The following RABGAP1L variants were observed in gnomAD, a reference collection of about 807,000 sequenced individuals.
RABGAP1L encodes rab GTPase-activating protein 1-like.
In RABGAP1L, 63 loss-of-function variants were observed where a neutral mutation model predicts 137.7. The observed-to-expected ratio is 0.46, with a 90% CI of 0.37 to 0.56. The LOEUF (loss-of-function observed/expected upper bound fraction) is 0.56. RABGAP1L is among the 20% of genes least tolerant of loss of function. The pLI is 0.00. For missense variants in RABGAP1L, 1,095 were observed against 1,244.0 expected (o/e 0.88, Z 1.80); for synonymous variants, 431 against 433.7 (o/e 0.99, Z 0.08).
intron 13 of RABGAP1L, among the ~76,000 whole-genome samples, chr1:174,426,812 T>G (rs890357970): frequency 6.6e-6 from 1 of 152,126 alleles, no homozygotes; most frequent in Non-Finnish European, 1.5e-5. Context: ...ATATTTATTC[T>G]AAAAAAGCTT....
At chr1:174,789,153 AC>A (rs1258536984) in intron 18 of RABGAP1L, among the ~76,000 whole-genome samples, 1 of 152,170 alleles carries the variant, frequency 6.6e-6, no homozygotes, top group African/African-American at 2.4e-5. Flanking sequence ...TTCTCCTCTT[AC>A]CAAAAACCAC....
At chr1:174,519,207 TAC>T (rs1663143844) in intron 13 of RABGAP1L, among the ~76,000 whole-genome samples, 3 of 146,312 alleles carry the variant, frequency 2.1e-5, no homozygotes, top group South Asian at 2.2e-4. Context: ...TACACACACA[TAC>T]ATATATATAT....
intron 12 of RABGAP1L, among the ~76,000 whole-genome samples, chr1:174,384,732 A>C (rs1686597570): frequency 6.6e-6 from 1 of 152,144 alleles, no homozygotes; most frequent in African/African-American, 2.4e-5. Flanking sequence ...ACCTCCTTAA[A>C]GTCACTGTTG....
intron 1 of RABGAP1L, among the ~76,000 whole-genome samples, chr1:174,178,705 C>T (rs1383316872): frequency 6.6e-6 from 1 of 152,120 alleles, no homozygotes; most frequent in African/African-American, 2.4e-5. Flanking sequence ...AGCTGGAAGC[C>T]ATCATTCTCA....
intron 19 of RABGAP1L, chr1:174,877,340 C>A: frequency 7.5e-5 from 53 of 711,280 alleles, no homozygotes; most frequent in East Asian, 1.5e-4. Context: ...CTTTTTTTTT[C>A]TTTCTCTTTC....
intron 13 of RABGAP1L, among the ~76,000 whole-genome samples, chr1:174,442,514 A>G (rs1030909574): frequency 4.6e-5 from 7 of 152,134 alleles, no homozygotes; most frequent in Non-Finnish European, 8.8e-5. Flanking sequence ...GAAGTTCAAC[A>G]TGGAGGAAAG....
At chr1:174,768,560 G>A (rs1399678356) in intron 18 of RABGAP1L, among the ~76,000 whole-genome samples, 1 of 152,142 alleles carries the variant, frequency 6.6e-6, no homozygotes, top group East Asian at 1.9e-4. Context: ...CTGTACATGC[G>A]GCCCCACCCC....
At chr1:174,866,980 G>A (rs1184248599) in intron 19 of RABGAP1L, among the ~76,000 whole-genome samples, 2 of 151,668 alleles carry the variant, frequency 1.3e-5, no homozygotes, top group African/African-American at 2.4e-5. Context: ...CCCAATTACT[G>A]TGGAAACTGA....
intron 19 of RABGAP1L, among the ~76,000 whole-genome samples, chr1:174,840,370 A>C (rs1021301653): frequency 2.0e-5 from 3 of 152,232 alleles, no homozygotes; most frequent in African/African-American, 7.2e-5. Context: ...ATGAAGAATG[A>C]TAAATGCAGT....
chr1:174,224,934 T>C (rs1453873755), intron 3 of RABGAP1L, among the ~76,000 whole-genome samples: 4 of 152,138 alleles, frequency 2.6e-5, no homozygotes, highest in African/African-American at 9.6e-5. Flanking sequence ...TCTTTGAGTT[T>C]ATCTTTTTTT....
intron 12 of RABGAP1L, among the ~76,000 whole-genome samples, chr1:174,384,477 A>G (rs755701365): frequency 6.6e-6 from 1 of 151,948 alleles, no homozygotes; most frequent in Non-Finnish European, 1.5e-5. Flanking sequence ...TAACTGCAGT[A>G]GGTGCTGAAG....
intron 19 of RABGAP1L, among the ~76,000 whole-genome samples, chr1:174,866,380 C>A (rs1257882099): frequency 6.6e-6 from 1 of 152,134 alleles, no homozygotes; most frequent in East Asian, 1.9e-4. Flanking sequence ...TTATGAAAAT[C>A]TTTTTATTAT....
intron 5 of RABGAP1L, among the ~76,000 whole-genome samples, chr1:174,242,685 A>G (rs1435410125): frequency 2.0e-5 from 3 of 152,212 alleles, no homozygotes; most frequent in Non-Finnish European, 4.4e-5. Context: ...GACACATATA[A>G]TTTAGATTGT....
At position 174,328,249 on chromosome 1, in the gene RABGAP1L, C is replaced by A. The variant is rs551761997; in HGVS notation, c.1465+23122C>A. On this transcript the variant is annotated intron_variant, in intron 11 of 25. Transcript: ENST00000681986. ...GTCCAACAGCTTCAGAATTCACATT[C>A]TTCTCAACTGCATATGAAACATTCT... 6.6e-5 allele frequency among the ~76,000 whole-genome samples: 10 copies of A among 151,904 alleles called. No individual in the cohort carries two copies. In the East Asian group the frequency reaches 1.9e-3, roughly 29 times the overall value.
chr1:174,422,632 T>C (rs944129037), intron 13 of RABGAP1L, among the ~76,000 whole-genome samples: 39 of 152,204 alleles, frequency 2.6e-4, no homozygotes, highest in South Asian at 1.7e-3. Context: ...AGGTAACCAT[T>C]CTTCTCTGAT....
At position 174,380,228 on chromosome 1, in the gene RABGAP1L, A is replaced by G. The variant is rs568259583; in HGVS notation, c.1559+9156A>G. 1.1e-4 allele frequency among the ~76,000 whole-genome samples: 16 copies of G among 152,226 alleles called. No homozygotes were observed. The South Asian group carries it at 1.5e-3, about 14-fold the overall frequency. On this transcript the variant is annotated intron_variant, in intron 12 of 25. Transcript: ENST00000681986. Reference sequence around the variant, plus strand: ...AGGATTTTTGCATCAATGTTCATCAAGTATATTGGTCTAAAATTCTCTTTT... The same window carrying G: ...AGGATTTTTGCATCAATGTTCATCAGGTATATTGGTCTAAAATTCTCTTTT...
chr1:174,184,526 ACAT>A (rs1455045729), intron 1 of RABGAP1L, among the ~76,000 whole-genome samples: 2 of 152,230 alleles, frequency 1.3e-5, no homozygotes, highest in African/African-American at 4.8e-5. Flanking sequence ...GAATGAAATG[ACAT>A]CATAAATTTA....
At chr1:174,799,795 A>G in intron 18 of RABGAP1L, 1 of 980,094 alleles carries the variant, frequency 1.0e-6, no homozygotes, top group Non-Finnish European at 1.2e-6. Context: ...AGCAGCAACA[A>G]CAGCGCTGCT....
chr1:174,659,622 G>A (rs927831083), intron 14 of RABGAP1L, among the ~76,000 whole-genome samples: 1 of 152,068 alleles, frequency 6.6e-6, no homozygotes, highest in African/African-American at 2.4e-5. Context: ...TCAGTCTCAT[G>A]GCTTTAAATA....
Sources: allele counts gnomAD v4.1 joint callset (sites outside exome capture counted in the v4.1 genomes callset), GRCh38; gene constraint gnomAD v4.1.1; transcripts MANE v1.5; gene names NCBI Gene and HGNC (gene_info 2026-07-23, HGNC 2026-07-21).